TEN1: variants seen among roughly 807,000 people sequenced by gnomAD.
TEN1 encodes the protein TEN1 subunit of CST complex.
A neutral mutation model predicts 9.3 loss-of-function variants in TEN1; 6 were observed. That is an observed-to-expected ratio of 0.65 (90% CI 0.35 to 1.27). The LOEUF (loss-of-function observed/expected upper bound fraction) is 1.27, where lower values mean the gene tolerates loss of function less well. Among genes scored for constraint, TEN1 ranks in the 50% most tolerant of loss-of-function variants. The pLI is 0.03. For missense variants in TEN1, 149 were observed against 158.2 expected, an observed-to-expected ratio of 0.94 and a Z score of 0.31; for synonymous variants, 65 against 65.6, an observed-to-expected ratio of 0.99 and a Z score of 0.04.
intron 1 of TEN1, among the ~76,000 whole-genome samples, chr17:75,982,535 A>G (rs369221272): frequency 1.3e-5 from 2 of 152,092 alleles, no homozygotes; most frequent in Admixed American, 6.6e-5. Context: ...AATACCACAC[A>G]AGTGATTAAT....
chr17:75,992,759 G>A (rs760020124), intron 3 of TEN1, among the ~76,000 whole-genome samples: 106 of 149,046 alleles, frequency 7.1e-4, no homozygotes, highest in Non-Finnish European at 1.4e-3. Context: ...TGATCCACCC[G>A]CCTCGGCCTC....
intron 2 of TEN1, among the ~76,000 whole-genome samples, chr17:75,988,918 C>T (rs1049533154): frequency 3.4e-4 from 51 of 151,702 alleles, no homozygotes; most frequent in African/African-American, 1.0e-3. Context: ...TTACAGGCAA[C>T]TGCCATCACA....
At position 75,991,676 on chromosome 17, in the gene TEN1, G is replaced by C. The variant is rs564370974; in HGVS notation, c.250+53G>C. ...TCATCCTGGGGCCTGAGCTGGGGCA[G>C]TCTTCGGGGCAGTCAGTGAGAAATG... On this transcript the variant is annotated intron_variant, in intron 3 of 3. Coordinates refer to ENST00000397640, the MANE Select transcript of TEN1 (RefSeq NM_001113324.3). 1.2e-3 allele frequency: 1,892 copies of C among 1,533,006 alleles called. 1 individual carries two copies. Among genetic ancestry groups the C allele is most frequent in the Non-Finnish European group, 1.6e-3 (1,788 of 1,138,238 alleles). The allele number at this position is 1,533,006 out of a possible 1,614,324, so 95.0% of individuals were successfully genotyped here.
At chr17:75,995,869 G>A (rs1204649569) in intron 3 of TEN1, among the ~76,000 whole-genome samples, 1 of 152,150 alleles carries the variant, frequency 6.6e-6, no homozygotes, top group Non-Finnish European at 1.5e-5. Context: ...GAGGTGGGAG[G>A]ATCACTTGAA....
rs200180194 is a variant in TEN1 at position 75,992,957 on chromosome 17, T to TG, written c.250+1336dup. On this transcript the variant is annotated intron_variant, in intron 3 of 3. Transcript: ENST00000397640. The stretch of plus-strand genomic sequence containing the variant: ...CCTGCCTGCTTCTGATTCTTACTGC[T>TG]GGTTTTTTTTTTTTTTTGTCTCGAG... Among the ~76,000 whole-genome samples, 392 of 140,476 alleles carry TG rather than the reference T, an allele frequency of 2.8e-3. 4 individuals carry two copies. The highest frequency in any genetic ancestry group is 9.1e-3 in the African/African-American group (336 of 36,980). 92.2% of individuals were successfully genotyped at this position (140,476 alleles called of 152,430 possible).
intron 1 of TEN1, 141 bp from the exon 2 acceptor site, chr17:75,986,046 T>G: frequency 1.9e-6 from 1 of 529,840 alleles, no homozygotes; most frequent in East Asian, 3.8e-5. Context: ...CCCCAAAAAA[T>G]TTTTTTTTTA....
At chr17:75,981,485 C>G (rs913695099) in intron 1 of TEN1, among the ~76,000 whole-genome samples, 8 of 152,082 alleles carry the variant, frequency 5.3e-5, no homozygotes, top group Non-Finnish European at 1.2e-4. Context: ...CTGCGCCTGG[C>G]TGGCTGACAT....
intron 1 of TEN1, among the ~76,000 whole-genome samples, chr17:75,982,978 AAAAG>A (rs373769596): frequency 0.29 from 43,016 of 147,780 alleles, 7,687 homozygotes; most frequent in East Asian, 0.61. Context: ...AAAAAAAAAA[AAAAG>A]AAAGAAAAAA....
rs1598219660 is a variant in TEN1, at chr17:76,000,353, C to T, written c.*91C>T. 4.8e-6 allele frequency: 7 copies of T among 1,446,118 alleles called. No homozygotes were observed. The highest frequency in any genetic ancestry group is 6.4e-6 in the Non-Finnish European group (7 of 1,091,238). The allele number at this position is 1,446,118 out of a possible 1,614,324, so 89.6% of individuals were successfully genotyped here. A position where few individuals can be genotyped will look rare whatever the true frequency, so the allele number is the denominator to read the frequency against. On this transcript the variant is annotated 3_prime_UTR_variant, in exon 4 of 4. Coordinates refer to ENST00000397640, the MANE Select transcript of TEN1 (RefSeq NM_001113324.3). The surrounding 1 kb of genome is among the most constrained non-coding windows in gnomAD (Gnocchi z 5.9). ...CGGGAGAGCACAGACGCCTCCCCAGCGACGGCCTTGTCTGGAGCTCGAAAG... is the reference window on the plus strand; with the variant it reads ...CGGGAGAGCACAGACGCCTCCCCAGTGACGGCCTTGTCTGGAGCTCGAAAG...
At chr17:75,991,149 CAAAAAA>C (rs71361699) in intron 2 of TEN1, among the ~76,000 whole-genome samples, 741 of 70,208 alleles carry the variant, frequency 0.011, 4 homozygotes, top group Middle Eastern at 0.033. Flanking sequence ...GACTCCATCT[CAAAAAA>C]AAAAAAAAAA....
Position 75,991,479 on chromosome 17 carries a change from G to A in TEN1, c.106G>A (p.Asp36Asn), listed in dbSNP as rs1223059981. The A allele has an allele frequency of 5.4e-5, 84 of 1,552,250 alleles. No homozygotes were observed. Among genetic ancestry groups the A allele is most frequent in the Middle Eastern group, 1.7e-4 (1 of 5,998 alleles). ...LRTFGRLCLY[D>N]MIQSRVTLMA... ...TCTGCCTTCCAGGTTGTGCCTCTAT[G>A]ACATGATTCAGTCCAGAGTAACACT... The change falls in exon 3 of 4, where the codon GAC becomes AAC. Residue 36 changes from aspartate to asparagine, a missense_variant. Transcript: ENST00000397640.
chr17:75,993,413 T>C (rs1336538901), intron 3 of TEN1, among the ~76,000 whole-genome samples: 2 of 152,134 alleles, frequency 1.3e-5, no homozygotes, highest in East Asian at 1.9e-4. Flanking sequence ...TGGAAAGTTC[T>C]TTAGAGAAGA....
At position 76,000,356 on chromosome 17, in the gene TEN1, C is replaced by T. The variant is rs145694521; in HGVS notation, c.*94C>T. ...GAGAGCACAGACGCCTCCCCAGCGA[C>T]GGCCTTGTCTGGAGCTCGAAAGCCG... On this transcript the variant is annotated 3_prime_UTR_variant, in exon 4 of 4. Transcript: ENST00000397640. This position sits in a 1 kb window ranked among gnomAD's most constrained non-coding sequence, Gnocchi z 5.9. 1.0e-3 allele frequency: 1,516 copies of T among 1,444,738 alleles called. 15 individuals carry two copies. The African/African-American group carries it at 0.019, about 18-fold the overall frequency. 89.5% of individuals were successfully genotyped at this position (1,444,738 alleles called of 1,614,324 possible).
chr17:75,993,195 C>G (rs544933640), intron 3 of TEN1, among the ~76,000 whole-genome samples: 1 of 151,650 alleles, frequency 6.6e-6, no homozygotes, highest in East Asian at 1.9e-4. Context: ...CCTCCGCCTC[C>G]CGGGTTCAAG....
At chr17:75,983,785 C>G (rs1330035348) in intron 1 of TEN1, among the ~76,000 whole-genome samples, 2 of 152,024 alleles carry the variant, frequency 1.3e-5, no homozygotes, top group Non-Finnish European at 2.9e-5. Flanking sequence ...AGGGGTGTGG[C>G]AAATGGTCCT....
At chr17:75,987,968 G>A (rs896176173) in intron 2 of TEN1, among the ~76,000 whole-genome samples, 5 of 149,698 alleles carry the variant, frequency 3.3e-5, no homozygotes, top group South Asian at 2.1e-4. Context: ...GCCTGGGTGC[G>A]GTGGTTCACG....
Position 76,000,399 on chromosome 17 carries a change from C to A in TEN1, c.*137C>A. 1 of 1,249,610 alleles carries A rather than the reference C, an allele frequency of 8.0e-7. No individual in the cohort carries two copies. Among genetic ancestry groups the A allele is most frequent in the Non-Finnish European group, 1.1e-6 (1 of 930,824 alleles). 77.4% of individuals were successfully genotyped at this position (1,249,610 alleles called of 1,614,324 possible). A position where few individuals can be genotyped will look rare whatever the true frequency, so the allele number is the denominator to read the frequency against. Reference sequence around the variant, plus strand: ...GAAAGCCGAGGGGCGGGTGATGAATCCAGCCCCTTCCCCTACTTTGGGATT... The same window carrying A: ...GAAAGCCGAGGGGCGGGTGATGAATACAGCCCCTTCCCCTACTTTGGGATT... On this transcript the variant is annotated 3_prime_UTR_variant, in exon 4 of 4. Transcript: ENST00000397640. The surrounding 1 kb of genome is among the most constrained non-coding windows in gnomAD (Gnocchi z 5.9).
At chr17:75,981,213 G>A (rs955205654) in intron 1 of TEN1, among the ~76,000 whole-genome samples, 1 of 150,828 alleles carries the variant, frequency 6.6e-6, no homozygotes, top group Non-Finnish European at 1.5e-5. Flanking sequence ...TTGAGATGAT[G>A]TCTTCCTCTG....
intron 3 of TEN1, among the ~76,000 whole-genome samples, chr17:75,997,537 C>T (rs1464232521): frequency 1.3e-5 from 2 of 152,118 alleles, no homozygotes; most frequent in Non-Finnish European, 2.9e-5. Flanking sequence ...GACACTGAAA[C>T]GGCCACCGTT....
Sources: gnomAD v4.1 joint callset for allele counts (sites outside exome capture counted in the v4.1 genomes callset) on GRCh38, gnomAD v4.1.1 for gene constraint, Gnocchi (gnomAD v3.1) non-coding constraint, MANE v1.5 for transcripts, NCBI Gene and HGNC (gene_info 2026-07-23, HGNC 2026-07-21) for gene names.